The following TFPI variants were observed in gnomAD, a reference collection of about 807,000 sequenced individuals.
The protein encoded by TFPI is tissue factor pathway inhibitor.
In TFPI, 15 loss-of-function variants were observed where a neutral mutation model predicts 34.6. That is an observed-to-expected ratio of 0.43 (90% CI 0.29 to 0.67). TFPI has a LOEUF of 0.67. Ranked by LOEUF, TFPI falls within the 30% of genes least tolerant of loss-of-function variation. TFPI has a pLI of 0.15. For synonymous variants in TFPI, 105 were observed against 120.1 expected, an observed-to-expected ratio of 0.87 and a Z score of 0.82; for missense variants, 301 against 364.0, an observed-to-expected ratio of 0.83 and a Z score of 1.41.
At chr2:187,493,737 G>A in intron 3 of TFPI, among the ~76,000 whole-genome samples, 1 of 152,104 alleles carries the variant, frequency 6.6e-6, no homozygotes, top group African/African-American at 2.4e-5. Flanking sequence ...CTCTAGGGCA[G>A]GGGCAAAATG....
chr2:187,467,847 G>C lies in TFPI; in HGVS notation c.714C>G (p.Val238=). ...ACTTAAATGGGCGGCATTTCCCAAT[G>C]ACTGAATTGTAGTAGAATCTGTTCT... ...ANENRFYYNS[V]IGKCRPFKYS... The change falls in exon 7 of 8, where the codon GTC becomes GTG. Residue 238 remains valine (V), a synonymous_variant. Coordinates refer to ENST00000233156, the MANE Select transcript of TFPI (RefSeq NM_006287.6). The C allele has an allele frequency of 3.7e-6, 6 of 1,612,662 alleles. No homozygotes were observed. The highest frequency in any genetic ancestry group is 4.2e-6 in the Non-Finnish European group (5 of 1,179,350).
At chr2:187,551,739 T>C (rs930768405) in intron 1 of TFPI, among the ~76,000 whole-genome samples, 1 of 152,186 alleles carries the variant, frequency 6.6e-6, no homozygotes, top group African/African-American at 2.4e-5. Context: ...TTTCTCCTAA[T>C]GCACATTGTA....
At chr2:187,503,123 T>G (rs1418539280) in intron 2 of TFPI, among the ~76,000 whole-genome samples, 1 of 151,890 alleles carries the variant, frequency 6.6e-6, no homozygotes, top group Non-Finnish European at 1.5e-5. Context: ...AGACACAGAG[T>G]TTTATGGGAT....
chr2:187,499,851 G>A (rs549020971), intron 2 of TFPI, among the ~76,000 whole-genome samples: 8 of 152,172 alleles, frequency 5.3e-5, no homozygotes, highest in African/African-American at 1.9e-4. Flanking sequence ...TAGAACTTTA[G>A]AGACAAGTTA....
chr2:187,532,697 T>C (rs1033440533), intron 1 of TFPI, among the ~76,000 whole-genome samples: 1 of 151,980 alleles, frequency 6.6e-6, no homozygotes, highest in South Asian at 2.1e-4. Flanking sequence ...TTTTTTTTCA[T>C]ACCCCAGTGG....
At chr2:187,523,387 T>C (rs1687510335) in intron 1 of TFPI, among the ~76,000 whole-genome samples, 1 of 152,226 alleles carries the variant, frequency 6.6e-6, no homozygotes, top group South Asian at 2.1e-4. Flanking sequence ...TACAGCTTTA[T>C]TAACTAGAGG....
At chr2:187,497,314 T>C (rs1184558838) in intron 2 of TFPI, among the ~76,000 whole-genome samples, 1 of 152,030 alleles carries the variant, frequency 6.6e-6, no homozygotes, top group East Asian at 1.9e-4. Flanking sequence ...CCAACCGAAC[T>C]GGGAGGGAAT....
At chr2:187,467,616 A>G (rs1691789304) in intron 7 of TFPI, 137 bp downstream of exon 7, 2 of 716,594 alleles carry the variant, frequency 2.8e-6, no homozygotes, top group Non-Finnish European at 2.0e-6. Flanking sequence ...TCTAAATGTA[A>G]TTGAAGAGGA....
intron 1 of TFPI, among the ~76,000 whole-genome samples, chr2:187,553,530 A>G (rs1358949669): frequency 6.6e-6 from 1 of 152,178 alleles, no homozygotes; most frequent in African/African-American, 2.4e-5. Flanking sequence ...CAAACATTTT[A>G]TAACAGGAAC....
At chr2:187,513,265 T>C (rs1370941431) in intron 1 of TFPI, among the ~76,000 whole-genome samples, 2 of 152,190 alleles carry the variant, frequency 1.3e-5, no homozygotes, top group African/African-American at 4.8e-5. Context: ...ACGGGTTTTT[T>C]CTTAAATCAC....
At chr2:187,523,572 TTTTAA>T (rs1042046442) in intron 1 of TFPI, among the ~76,000 whole-genome samples, 2 of 152,144 alleles carry the variant, frequency 1.3e-5, no homozygotes, top group African/African-American at 2.4e-5. Flanking sequence ...ATTCCTGACC[TTTTAA>T]TTTATTTTTT....
chr2:187,506,202 T>C (rs573055230), intron 1 of TFPI, among the ~76,000 whole-genome samples: 3 of 152,090 alleles, frequency 2.0e-5, no homozygotes, highest in Admixed American at 1.3e-4. Context: ...AAACAGAGAT[T>C]TATAAAACAC....
intron 6 of TFPI, among the ~76,000 whole-genome samples, chr2:187,475,511 C>T (rs1279563890): frequency 5.3e-5 from 8 of 152,100 alleles, no homozygotes; most frequent in Admixed American, 3.9e-4. Flanking sequence ...TCATTGAAAA[C>T]AACCTCAAAA....
At chr2:187,478,339 A>G (rs1380912175) in intron 6 of TFPI, among the ~76,000 whole-genome samples, 1 of 152,166 alleles carries the variant, frequency 6.6e-6, no homozygotes, top group Non-Finnish European at 1.5e-5. Context: ...CAGCCTGGGC[A>G]ATAAGAGTGA....
chr2:187,509,254 G>A (rs1488913534), intron 1 of TFPI, among the ~76,000 whole-genome samples: 1 of 151,942 alleles, frequency 6.6e-6, no homozygotes, highest in Non-Finnish European at 1.5e-5. Flanking sequence ...GGCCTGAAAT[G>A]TTCTTTTTTG....
At position 187,505,046 on chromosome 2, in the gene TFPI, AAT is replaced by A. The variant is rs529707982; in HGVS notation, c.-2-1278_-2-1277del. ...ATACCATAAACCATTTGAATTCACA[AAT>A]ATATATATATATTTATATAGATACA... On this transcript the variant is annotated intron_variant, in intron 1 of 7. Coordinates refer to ENST00000233156, the MANE Select transcript of TFPI (RefSeq NM_006287.6). Among the ~76,000 whole-genome samples, 1,306 of 151,354 alleles carry A rather than the reference AAT, an allele frequency of 8.6e-3. 11 individuals are homozygous for A. The highest frequency in any genetic ancestry group is 0.058 in the Middle Eastern group (17 of 292).
At chr2:187,551,565 TG>T in intron 1 of TFPI, among the ~76,000 whole-genome samples, 1 of 152,194 alleles carries the variant, frequency 6.6e-6, no homozygotes, top group Non-Finnish European at 1.5e-5. Flanking sequence ...ATGGGAAGAC[TG>T]GGCCCCCGGA....
intron 3 of TFPI, among the ~76,000 whole-genome samples, chr2:187,489,350 C>T (rs996421849): frequency 1.3e-5 from 2 of 150,432 alleles, no homozygotes; most frequent in African/African-American, 4.9e-5. Flanking sequence ...TCTAATTGTA[C>T]TATGTTTTAT....
intron 2 of TFPI, among the ~76,000 whole-genome samples, chr2:187,503,041 A>G (rs1685954937): frequency 6.6e-6 from 1 of 152,146 alleles, no homozygotes; most frequent in South Asian, 2.1e-4. Flanking sequence ...TAAGAAAGGT[A>G]TATATCCACA....
Sources: allele counts gnomAD v4.1 joint callset (sites outside exome capture counted in the v4.1 genomes callset), GRCh38; gene constraint gnomAD v4.1.1; transcripts MANE v1.5; gene names NCBI Gene and HGNC (gene_info 2026-07-23, HGNC 2026-07-21).